Variants in ABCC2 observed in about 807,000 individuals in gnomAD.
ABCC2 encodes ATP-binding cassette sub-family C member 2.
In ABCC2, 157 loss-of-function variants were observed where a neutral mutation model predicts 173.4. The observed-to-expected ratio is 0.91, with a 90% CI of 0.80 to 1.03. The LOEUF is 1.03. Ranked by LOEUF, ABCC2 falls within the 50% of genes least tolerant of loss-of-function variation. The pLI, the probability that ABCC2 is intolerant of heterozygous loss-of-function variation, is 0.00. For missense variants in ABCC2, 1,822 were observed against 1,852.3 expected, an observed-to-expected ratio of 0.98 and a Z score of 0.30; for synonymous variants, 657 against 693.5, an observed-to-expected ratio of 0.95 and a Z score of 0.83.
chr10:99,818,713 C>G, intron 17 of ABCC2, 77 bp from the exon 18 acceptor site: 2 of 1,557,792 alleles, frequency 1.3e-6, no homozygotes, highest in Non-Finnish European at 1.8e-6. Flanking sequence ...AAATTTCTTC[C>G]TTTTACCCCT....
At chr10:99,803,889 A>G (rs2038051998) in intron 9 of ABCC2, 130 bp from the exon 10 acceptor site, 2 of 1,185,900 alleles carry the variant, frequency 1.7e-6, no homozygotes, top group Admixed American at 1.9e-5. Context: ...AAGAAGTCAC[A>G]GTGCCTTGGA....
At chr10:99,824,004 C>T (rs1353444540) in intron 19 of ABCC2, among the ~76,000 whole-genome samples, 27 of 129,254 alleles carry the variant, frequency 2.1e-4, no homozygotes, top group South Asian at 8.0e-4. Context: ...AATAATGATG[C>T]CTGTTGGAGA....
chr10:99,834,452 A>G lies in ABCC2; in HGVS notation c.3331A>G (p.Ser1111Gly). ...GATTACATGCTTCCTGGGGATAATC[A>G]GCACCCTTGTCATGATCTGCATGGC... ...SWITCFLGII[S>G]TLVMICMATP... Residue 1111 changes from serine to glycine, a missense_variant, in exon 24 of 32, where the codon AGC (serine) becomes GGC (glycine). By Grantham distance (56) the Ser-to-Gly change is moderately conservative. Coordinates refer to ENST00000647814, the MANE Select transcript of ABCC2 (RefSeq NM_000392.5). 2 of 1,614,164 alleles carry G rather than the reference A, an allele frequency of 1.2e-6. No individual in the cohort carries two copies. Among genetic ancestry groups the G allele is most frequent in the Non-Finnish European group, 1.7e-6 (2 of 1,180,014 alleles).
At chr10:99,818,175 A>T (rs982634495) in intron 17 of ABCC2, among the ~76,000 whole-genome samples, 1 of 151,646 alleles carries the variant, frequency 6.6e-6, no homozygotes, top group Non-Finnish European at 1.5e-5. Context: ...GTGAGCTGAG[A>T]TTGCGCCACT....
At chr10:99,797,438 T>C (rs1002818280) in intron 7 of ABCC2, 107 bp downstream of exon 7, 9 of 913,818 alleles carry the variant, frequency 9.8e-6, no homozygotes, top group Admixed American at 8.0e-5. Context: ...TTCATACTTC[T>C]CAGTGCACTT....
At chr10:99,825,683 C>CT (rs201579800) in intron 19 of ABCC2, among the ~76,000 whole-genome samples, 3,783 of 152,328 alleles carry the variant, frequency 0.025, 80 homozygotes, top group Middle Eastern at 0.15. Context: ...AATTTGAACT[C>CT]CTTTTAGATT....
chr10:99,852,577 CTT>C lies in ABCC2; in HGVS notation c.*948_*949del, dbSNP rs1440788789. 6.6e-6 allele frequency among the ~76,000 whole-genome samples: 1 copy of C among 152,158 alleles called. No individual in the cohort carries two copies. The highest frequency in any genetic ancestry group is 1.5e-5 in the Non-Finnish European group (1 of 68,036). On this transcript the variant is annotated 3_prime_UTR_variant, in exon 32 of 32. Coordinates refer to ENST00000647814, the MANE Select transcript of ABCC2 (RefSeq NM_000392.5). ...TATTATAAGCTCGTTCTCCTTAAAA[CTT>C]TATCTGTGGACATTCTTTGAGGCCT...
rs764458269 is a variant in ABCC2 at position 99,807,340 on chromosome 10, T to A, written c.1531-44T>A. On this transcript the variant is annotated intron_variant, in intron 11 of 31. Coordinates refer to ENST00000647814, the MANE Select transcript of ABCC2 (RefSeq NM_000392.5). ...GTGGATCAGATACACCTGGTGCCCT[T>A]TCAGGGGCAATCATGTGAGCTGTAT... is the stretch of plus-strand genomic sequence containing the variant. The A allele has an allele frequency of 3.1e-6, 5 of 1,613,850 alleles. No individual in the cohort carries two copies. The Admixed American group carries it at 8.3e-5, about 27-fold the overall frequency.
intron 26 of ABCC2, among the ~76,000 whole-genome samples, chr10:99,842,881 C>G (rs972083238): frequency 4.6e-5 from 7 of 151,924 alleles, no homozygotes; most frequent in African/African-American, 1.7e-4. Flanking sequence ...GAAACCCCAT[C>G]TCTACTAAAA....
Position 99,817,407 on chromosome 10 carries a change from C to A in ABCC2, c.2194C>A (p.Gln732Lys), listed in dbSNP as rs781091313. Residue 732 changes from glutamine to lysine, a missense_variant, in exon 17 of 32, where the codon CAA becomes AAA. Physicochemically the swap from Gln to Lys is moderately conservative, Grantham distance 53. Coordinates refer to ENST00000647814, the MANE Select transcript of ABCC2 (RefSeq NM_000392.5). ...AGAGTTTAATGAAAAGAGGTACCAG[C>A]AAGTACTGGAGGCCTGTGCTCTCCT... ...GTEFNEKRYQ[Q>K]VLEACALLPD... 8 of 1,614,134 alleles carry A rather than the reference C, an allele frequency of 5.0e-6. No individual in the cohort carries two copies. The highest frequency in any genetic ancestry group is 6.8e-6 in the Non-Finnish European group (8 of 1,180,014).
chr10:99,825,347 T>C (rs906627450), intron 19 of ABCC2, among the ~76,000 whole-genome samples: 133 of 152,284 alleles, frequency 8.7e-4, no homozygotes, highest in African/African-American at 3.0e-3. Flanking sequence ...AGCCTTTTGT[T>C]TAGGCCAATT....
chr10:99,814,210 C>CGT lies in ABCC2; in HGVS notation c.2094+1066_2094+1067insGT, dbSNP rs1564683671. Among the ~76,000 whole-genome samples, 24 of 59,792 alleles carry CGT rather than the reference C, an allele frequency of 4.0e-4. 3 individuals are homozygous for CGT. The highest frequency in any genetic ancestry group is 1.4e-3 in the African/African-American group (22 of 15,384). 39.2% of individuals were successfully genotyped at this position (59,792 alleles called of 152,430 possible). On this transcript the variant is annotated intron_variant, in intron 16 of 31. Transcript: ENST00000647814. ...ATACACACATGTGTATATATACACA[C>CGT]ATGTGTATATATACACACATGTGTA...
At chr10:99,802,483 G>C (rs2038029706) in intron 9 of ABCC2, among the ~76,000 whole-genome samples, 1 of 129,876 alleles carries the variant, frequency 7.7e-6, no homozygotes, top group Non-Finnish European at 1.6e-5. Context: ...AGGGCAATTA[G>C]ATGTTGTTAG....
rs759186995 is a variant in ABCC2, at chr10:99,804,040, G to C, written c.1231G>C (p.Ala411Pro). ...TTAGGCATTGACCCTATCCAACTTGGCCAGGAAGGAGTACACCGTTGGAGA... is the reference window on the plus strand; with the variant it reads ...TTAGGCATTGACCCTATCCAACTTGCCCAGGAAGGAGTACACCGTTGGAGA... ...YKKALTLSNL[A>P]RKEYTVGETV... The change falls in exon 10 of 32, where the codon GCC becomes CCC. Residue 411 changes from alanine (A) to proline (P), a missense_variant. Coordinates refer to ENST00000647814, the MANE Select transcript of ABCC2 (RefSeq NM_000392.5). 8 of 1,613,942 alleles carry C rather than the reference G, an allele frequency of 5.0e-6. No individual in the cohort carries two copies. The African/African-American group carries it at 6.7e-5, about 13-fold the overall frequency.
At position 99,782,857 on chromosome 10, in the gene ABCC2, T is replaced by C. The variant is rs2037638876; in HGVS notation, c.13T>C (p.Phe5Leu). Residue 5 changes from phenylalanine (F) to leucine (L), a missense_variant, in exon 1 of 32, where the codon TTC becomes CTC. Coordinates refer to ENST00000647814, the MANE Select transcript of ABCC2 (RefSeq NM_000392.5). ...CAGTCCAGGAATCATGCTGGAGAAG[T>C]TCTGCAACTCTACTTTTTGGGTGAG... MLEK[F>L]CNSTFWNSSF... is the part of the protein sequence containing the mutation. 6.2e-7 allele frequency: 1 copy of C among 1,614,138 alleles called. No homozygotes were observed. Among genetic ancestry groups the C allele is most frequent in the Non-Finnish European group, 8.5e-7 (1 of 1,180,018 alleles).
At position 99,814,183 on chromosome 10, in the gene ABCC2, GTATACACACA is replaced by G. The variant is rs1564683469; in HGVS notation, c.2094+1041_2094+1050del. 4.2e-3 allele frequency among the ~76,000 whole-genome samples: 334 copies of G among 79,002 alleles called. 25 individuals are homozygous for G. Among genetic ancestry groups the G allele is most frequent in the Middle Eastern group, 8.2e-3 (1 of 122 alleles). The allele number at this position is 79,002 out of a possible 152,430, so 51.8% of individuals were successfully genotyped here. On this transcript the variant is annotated intron_variant, in intron 16 of 31. Coordinates refer to ENST00000647814, the MANE Select transcript of ABCC2 (RefSeq NM_000392.5). ...CACACGTATATATACACACATGTAT[GTATACACACA>G]TGTGTATATATACACACATGTGTAT...
chr10:99,814,291 A>ATG (rs2038303884), intron 16 of ABCC2, among the ~76,000 whole-genome samples: 3 of 76,158 alleles, frequency 3.9e-5, no homozygotes, highest in African/African-American at 5.9e-5. Context: ...GTATACACAC[A>ATG]CGTATGTATA....
chr10:99,809,988 G>A (rs1488414231), intron 13 of ABCC2, 146 bp from the exon 14 acceptor site: 7 of 700,342 alleles, frequency 1.0e-5, no homozygotes, highest in Non-Finnish European at 1.8e-5. Flanking sequence ...TCTATGGTGG[G>A]ATAGCTTCCG....
intron 26 of ABCC2, among the ~76,000 whole-genome samples, chr10:99,843,563 A>G (rs2038975745): frequency 6.6e-6 from 1 of 152,194 alleles, no homozygotes; most frequent in Non-Finnish European, 1.5e-5. Flanking sequence ...CCAAACCACT[A>G]GACACTCACA....
Sources: gnomAD v4.1 joint callset for allele counts (sites outside exome capture counted in the v4.1 genomes callset) on GRCh38, gnomAD v4.1.1 for gene constraint, MANE v1.5 for transcripts, NCBI Gene and HGNC (gene_info 2026-07-23, HGNC 2026-07-21) for gene names.